Variants in CCSER2 observed in about 807,000 individuals in gnomAD.
CCSER2 encodes the protein coiled-coil serine rich protein 2, also known as serine-rich coiled-coil domain-containing protein 2.
CCSER2 carries 46 observed loss-of-function variants against 92.3 expected under a neutral mutation model. The observed-to-expected ratio is 0.50, with a 90% CI of 0.39 to 0.64. CCSER2 has a LOEUF of 0.64. Ranked by LOEUF, CCSER2 falls within the 30% of genes least tolerant of loss-of-function variation. The pLI is 0.00. For missense variants in CCSER2, 1,244 were observed against 1,238.9 expected (o/e 1.00, Z -0.06); for synonymous variants, 433 against 431.4 (o/e 1.00, Z -0.04).
chr10:84,429,777 C>T (rs61866479), intron 5 of CCSER2, among the ~76,000 whole-genome samples: 19,210 of 151,542 alleles, frequency 0.13, 1,490 homozygotes, highest in Admixed American at 0.23. Context: ...CATGTTTGGT[C>T]ATTAGTTACG....
At position 84,449,889 on chromosome 10, in the gene CCSER2, CATA is replaced by C. The variant is rs150178142; in HGVS notation, c.2064+11183_2064+11185del. 9.9e-3 allele frequency among the ~76,000 whole-genome samples: 1,503 copies of C among 152,264 alleles called. 33 individuals carry two copies. Among genetic ancestry groups the C allele is most frequent in the African/African-American group, 0.034 (1,427 of 41,570 alleles). On this transcript the variant is annotated intron_variant, in intron 6 of 9. Transcript: ENST00000372088. ...AACAAAAAACACATTAAATTGCTAA[CATA>C]GTATCATCCATAGTATCTTAAAATG... is the stretch of plus-strand genomic sequence containing the variant.
chr10:84,376,101 A>G (rs897476803), intron 3 of CCSER2, among the ~76,000 whole-genome samples: 26 of 152,048 alleles, frequency 1.7e-4, no homozygotes, highest in African/African-American at 5.1e-4. Flanking sequence ...GAAAGAAACA[A>G]TGTGTTGATA....
intron 6 of CCSER2, among the ~76,000 whole-genome samples, chr10:84,461,569 AG>A (rs1846103345): frequency 6.6e-6 from 1 of 151,824 alleles, no homozygotes; most frequent in Non-Finnish European, 1.5e-5. Flanking sequence ...CTGAAATGCT[AG>A]TATTTAGCCC....
rs1228598234 is a variant in CCSER2, at chr10:84,357,295, TA to T, written c.-39-13716del. ...CCCAGAACTCCCAACAAGTCAGGCA[TA>T]AACCTTTACAATTAGTCGAATAATT... On this transcript the variant is annotated intron_variant, in intron 1 of 9. Coordinates refer to ENST00000372088, the MANE Select transcript of CCSER2 (RefSeq NM_001284240.2). Among the ~76,000 whole-genome samples the T allele has an allele frequency of 2.0e-5, 3 of 152,180 alleles. No individual in the cohort carries two copies. The East Asian group carries it at 5.8e-4, about 29-fold the overall frequency.
At chr10:84,489,152 C>G (rs1847989949) in intron 9 of CCSER2, among the ~76,000 whole-genome samples, 1 of 152,128 alleles carries the variant, frequency 6.6e-6, no homozygotes, top group African/African-American at 2.4e-5. Flanking sequence ...GAGTGCTTCA[C>G]TTCAACTCTG....
chr10:84,397,924 A>C (rs986882743), intron 3 of CCSER2, among the ~76,000 whole-genome samples: 2 of 152,246 alleles, frequency 1.3e-5, no homozygotes, highest in African/African-American at 4.8e-5. Flanking sequence ...GATTGACTCT[A>C]AAACAGTAGA....
chr10:84,453,143 T>G (rs993956400), intron 6 of CCSER2, among the ~76,000 whole-genome samples: 3 of 149,088 alleles, frequency 2.0e-5, no homozygotes, highest in Admixed American at 7.0e-5. Flanking sequence ...TCCCATGCAT[T>G]TATTTTATTT....
intron 1 of CCSER2, among the ~76,000 whole-genome samples, chr10:84,354,250 CTT>C (rs536114225): frequency 6.9e-6 from 1 of 145,854 alleles, no homozygotes; most frequent in Admixed American, 6.8e-5. Flanking sequence ...TCTCAAGTTA[CTT>C]TTTTTTTTTT....
At chr10:84,457,599 TTATATATTATATATAATTATATATTTATA>T (rs1564686049) in intron 6 of CCSER2, among the ~76,000 whole-genome samples, 3 of 116,786 alleles carry the variant, frequency 2.6e-5, no homozygotes, top group Non-Finnish European at 5.0e-5. Context: ...AATTATATAT[TTATATATTATATATAATTATATATTTATA>T]TATTATATAT....
chr10:84,358,900 TC>T (rs1845348300), intron 1 of CCSER2, among the ~76,000 whole-genome samples: 1 of 152,122 alleles, frequency 6.6e-6, no homozygotes, highest in Non-Finnish European at 1.5e-5. Flanking sequence ...TGAGAAACTT[TC>T]ATTTTGATTG....
Position 84,513,482 on chromosome 10 carries a change from A to G in CCSER2, c.2359A>G (p.Arg787Gly). 1 of 1,613,424 alleles carries G rather than the reference A, an allele frequency of 6.2e-7. No individual in the cohort carries two copies. Among genetic ancestry groups the G allele is most frequent in the South Asian group, 1.1e-5 (1 of 90,966 alleles). The change falls in exon 10 of 10, where the codon AGA (arginine) becomes GGA (glycine). Residue 787 changes from arginine to glycine, a missense_variant. Arg to Gly is a moderately radical substitution (Grantham distance 125). Coordinates refer to ENST00000372088, the MANE Select transcript of CCSER2 (RefSeq NM_001284240.2). ...QVLQPSSSLP[R>G]PTDHTQGKLI... ...ACTACAGCCTTCCAGCAGCCTTCCCAGACCCACAGATCACACCCAGGGAAA... is the reference window on the plus strand; with the variant it reads ...ACTACAGCCTTCCAGCAGCCTTCCCGGACCCACAGATCACACCCAGGGAAA...
chr10:84,457,142 C>T (rs1169267046), intron 6 of CCSER2, among the ~76,000 whole-genome samples: 1 of 140,616 alleles, frequency 7.1e-6, no homozygotes, highest in Non-Finnish European at 1.5e-5. Flanking sequence ...CTATGAGTTA[C>T]GCATTATGCT....
chr10:84,347,457 GCTGA>G (rs898092283), intron 1 of CCSER2, among the ~76,000 whole-genome samples: 6 of 150,192 alleles, frequency 4.0e-5, no homozygotes, highest in Non-Finnish European at 7.4e-5. Context: ...CCGGGCGGGG[GCTGA>G]CCCCCCACCT....
chr10:84,452,421 C>G (rs557670395), intron 6 of CCSER2: 1 of 152,278 alleles, frequency 6.6e-6, no homozygotes, highest in East Asian at 1.9e-4. Context: ...AGATGGTTTG[C>G]TGACAATAGT....
intron 9 of CCSER2, among the ~76,000 whole-genome samples, chr10:84,501,834 A>AAAAAAATAT (rs1167460274): frequency 5.0e-5 from 2 of 40,170 alleles, no homozygotes; most frequent in African/African-American, 9.4e-5. Flanking sequence ...AAAAAAAAAA[A>AAAAAAATAT]ATATATATAT....
At chr10:84,460,450 ACTGT>A (rs1460423657) in intron 6 of CCSER2, among the ~76,000 whole-genome samples, 2 of 151,822 alleles carry the variant, frequency 1.3e-5, no homozygotes, top group Non-Finnish European at 2.9e-5. Context: ...GTCTTCTTAT[ACTGT>A]CTTTGTTTTA....
At chr10:84,391,675 GT>G (rs1350260178) in intron 3 of CCSER2, 9 of 1,531,252 alleles carry the variant, frequency 5.9e-6, no homozygotes, top group Non-Finnish European at 7.2e-6. Context: ...CAAAGACATT[GT>G]TAGAGAATAC....
intron 1 of CCSER2, among the ~76,000 whole-genome samples, chr10:84,352,393 G>C (rs1013923519): frequency 6.6e-6 from 1 of 152,116 alleles, no homozygotes; most frequent in African/African-American, 2.4e-5. Context: ...TGAGGTGTGG[G>C]AACAGGGCCA....
intron 1 of CCSER2, among the ~76,000 whole-genome samples, chr10:84,339,433 T>C (rs1338066235): frequency 2.0e-5 from 3 of 152,074 alleles, no homozygotes; most frequent in Non-Finnish European, 4.4e-5. Context: ...TGCTTTGACA[T>C]CTCTCTGCTT....
Sources: gnomAD v4.1 joint callset for allele counts (sites outside exome capture counted in the v4.1 genomes callset) on GRCh38, gnomAD v4.1.1 for gene constraint, MANE v1.5 for transcripts, NCBI Gene and HGNC (gene_info 2026-07-23, HGNC 2026-07-21) for gene names.